Variants in GASK1B observed in about 807,000 individuals in gnomAD.
The protein encoded by GASK1B is Golgi-associated kinase 1B.
In GASK1B, 34 loss-of-function variants were observed where a neutral mutation model predicts 42.8. The ratio of observed to expected loss-of-function variants is 0.79; its 90% confidence interval spans 0.60 to 1.06. GASK1B has a LOEUF of 1.06. Among genes scored for constraint, GASK1B ranks in the 50% least tolerant of loss-of-function variants. The pLI is 0.00. For missense variants in GASK1B, 686 were observed against 661.0 expected (o/e 1.04, Z -0.42); for synonymous variants, 262 against 259.1 (o/e 1.01, Z -0.11).
chr4:158,148,907 T>G (rs1279620568), intron 3 of GASK1B, among the ~76,000 whole-genome samples: 1 of 152,212 alleles, frequency 6.6e-6, no homozygotes, highest in Non-Finnish European at 1.5e-5. Context: ...GGAACATGTA[T>G]GAATAGTAGA....
intron 4 of GASK1B, among the ~76,000 whole-genome samples, chr4:158,128,436 T>C (rs1730545443): frequency 6.6e-6 from 1 of 152,166 alleles, no homozygotes; most frequent in South Asian, 2.1e-4. Context: ...CTTAGCAAAA[T>C]TTCTAGATCA....
chr4:158,130,721 T>C, intron 4 of GASK1B, 65 bp downstream of exon 4: 2 of 1,235,800 alleles, frequency 1.6e-6, no homozygotes, highest in African/African-American at 3.0e-5. Flanking sequence ...ATGTGAGTTT[T>C]CTCAGAACCT....
rs756472594 is a variant in GASK1B at position 158,127,564 on chromosome 4, T to C, written c.1403A>G (p.Lys468Arg). 1 of 1,613,584 alleles carries C rather than the reference T, an allele frequency of 6.2e-7. No individual in the cohort carries two copies. Among genetic ancestry groups the C allele is most frequent in the African/African-American group, 1.3e-5 (1 of 74,900 alleles). Reference protein sequence around the residue: ...SVLKSQHLRQKLLQSLFLDKV... With the variant: ...SVLKSQHLRQRLLQSLFLDKV... ...ATCAAGAAACAGAGACTGAAGAAGT[T>C]TCTGCCGTAAGTGCTGGCTCTTCAA... Residue 468 changes from lysine to arginine, a missense_variant, in exon 5 of 5, where the codon AAA becomes AGA. Physicochemically the swap from Lys to Arg is conservative, Grantham distance 26. Coordinates refer to ENST00000585682, the MANE Select transcript of GASK1B (RefSeq NM_001128424.2).
At chr4:158,144,375 T>C (rs887705910) in intron 3 of GASK1B, among the ~76,000 whole-genome samples, 1 of 152,212 alleles carries the variant, frequency 6.6e-6, no homozygotes, top group South Asian at 2.1e-4. Flanking sequence ...GAAATACATA[T>C]AGTAGAAACT....
At chr4:158,130,757 T>C (rs766874643) in intron 4 of GASK1B, 29 bp downstream of exon 4, 3 of 1,500,132 alleles carry the variant, frequency 2.0e-6, no homozygotes, top group Non-Finnish European at 2.8e-6. Flanking sequence ...ATAAATGTGA[T>C]GTCCTGCAGA....
At chr4:158,127,908 T>C (rs1579002930) in intron 4 of GASK1B, among the ~76,000 whole-genome samples, 1 of 152,308 alleles carries the variant, frequency 6.6e-6, no homozygotes, top group South Asian at 2.1e-4. Context: ...TTCTATTAGA[T>C]TGGCAGAAAT....
chr4:158,166,315 T>A (rs771151705), intron 2 of GASK1B, among the ~76,000 whole-genome samples: 4 of 152,230 alleles, frequency 2.6e-5, no homozygotes, highest in Non-Finnish European at 4.4e-5. Flanking sequence ...TTGTCCCAGA[T>A]TAAACTGAGC....
At position 158,170,608 on chromosome 4, in the gene GASK1B, A is replaced by G. The variant is rs1297517507; in HGVS notation, c.768T>C (p.Ala256=). 8 of 1,613,872 alleles carry G rather than the reference A, an allele frequency of 5.0e-6. No homozygotes were observed. The highest frequency in any genetic ancestry group is 6.8e-6 in the Non-Finnish European group (8 of 1,180,044). Residue 256 remains alanine (A), a synonymous_variant, in exon 2 of 5, where the codon GCT becomes GCC. Transcript: ENST00000585682. ...LLVLEGGAPG[A]VLRCGPSPCG... ...AGGGGCTAGGGCCACAGCGGAGCACAGCGCCAGGTGCGCCCCCCTCCAGCA... is the reference window on the plus strand; with the variant it reads ...AGGGGCTAGGGCCACAGCGGAGCACGGCGCCAGGTGCGCCCCCCTCCAGCA...
intron 3 of GASK1B, among the ~76,000 whole-genome samples, chr4:158,142,044 A>G (rs1731154328): frequency 7.4e-6 from 1 of 135,720 alleles, no homozygotes; most frequent in Admixed American, 7.9e-5. Context: ...TCCTGGGTTC[A>G]CGCCATTCTC....
chr4:158,145,643 T>C (rs1028569036), intron 3 of GASK1B, among the ~76,000 whole-genome samples: 24 of 152,206 alleles, frequency 1.6e-4, no homozygotes, highest in African/African-American at 5.5e-4. Context: ...TTTCTTTCTA[T>C]AAAATATTAC....
rs1358502858 is a variant in GASK1B, at chr4:158,164,583, A to G, written c.910+5883T>C. Among the ~76,000 whole-genome samples, 8 of 152,360 alleles carry G rather than the reference A, an allele frequency of 5.3e-5. No homozygotes were observed. The South Asian group carries it at 1.7e-3, about 32-fold the overall frequency. On this transcript the variant is annotated intron_variant, in intron 2 of 4. Transcript: ENST00000585682. Reference sequence around the variant, plus strand: ...AATAGCCTTAGGGCTTTTCTGAGGAAGAACACAACATACTTTCAATCCAAC... The same window carrying G: ...AATAGCCTTAGGGCTTTTCTGAGGAGGAACACAACATACTTTCAATCCAAC...
chr4:158,136,934 A>G (rs1185705140), intron 3 of GASK1B, among the ~76,000 whole-genome samples: 1 of 152,242 alleles, frequency 6.6e-6, no homozygotes, highest in African/African-American at 2.4e-5. Flanking sequence ...AACCCTGCTG[A>G]AAGTTGGCAC....
chr4:158,141,903 G>T (rs1342904368), intron 3 of GASK1B, among the ~76,000 whole-genome samples: 1 of 143,856 alleles, frequency 7.0e-6, no homozygotes, highest in African/African-American at 2.6e-5. Context: ...CACCGCGCCC[G>T]GCCGATGTTG....
rs1732457386 is a variant in GASK1B at position 158,170,667 on chromosome 4, G to A, written c.709C>T (p.Pro237Ser). Residue 237 changes from proline (P) to serine (S), a missense_variant, in exon 2 of 5, where the codon CCT becomes TCT. By Grantham distance (74) the Pro-to-Ser change is moderately conservative (BLOSUM62 -1). Transcript: ENST00000585682. Reference protein sequence around the residue: ...LADSAVAGLRPVSSRSGARLL... With the variant: ...LADSAVAGLRSVSSRSGARLL... ...CGGGCTCCGCTCCTAGAGGACACAG[G>A]CCGGAGCCCTGCCACTGCGCTGTCC... 6.2e-7 allele frequency: 1 copy of A among 1,614,060 alleles called. No individual in the cohort carries two copies. The highest frequency in any genetic ancestry group is 8.5e-7 in the Non-Finnish European group (1 of 1,180,040).
At chr4:158,154,950 C>T (rs754564765) in intron 3 of GASK1B, among the ~76,000 whole-genome samples, 9 of 152,144 alleles carry the variant, frequency 5.9e-5, no homozygotes, top group Non-Finnish European at 7.4e-5. Context: ...CAGAAATCAC[C>T]GCTAAATAAT....
Position 158,132,930 on chromosome 4 carries a change from T to C in GASK1B, c.1126-1918A>G, listed in dbSNP as rs11936633. ...TTTGATTGACATGAGAATAAGAAGG[T>C]TTCCCAAAGGTGAGCAAGAGTGCCC... On this transcript the variant is annotated intron_variant, in intron 3 of 4. Transcript: ENST00000585682. Among the ~76,000 whole-genome samples, 474 of 152,278 alleles carry C rather than the reference T, an allele frequency of 3.1e-3. 1 individual carries two copies. The highest frequency in any genetic ancestry group is 0.011 in the African/African-American group (461 of 41,560).
At chr4:158,159,718 C>G (rs1731896822) in intron 2 of GASK1B, 1 of 167,122 alleles carries the variant, frequency 6.0e-6, no homozygotes, top group Non-Finnish European at 1.3e-5. Flanking sequence ...TGAGACTTGC[C>G]AGGAAAGCTT....
chr4:158,164,310 C>G (rs1283667304), intron 2 of GASK1B, among the ~76,000 whole-genome samples: 1 of 152,202 alleles, frequency 6.6e-6, no homozygotes, highest in East Asian at 1.9e-4. Flanking sequence ...GCACATGCAT[C>G]TTTTATGCTG....
intron 2 of GASK1B, among the ~76,000 whole-genome samples, chr4:158,163,570 G>GA (rs75931814): frequency 3.7e-3 from 380 of 102,292 alleles, no homozygotes; most frequent in African/African-American, 4.3e-3. Flanking sequence ...CTCTGTCTCA[G>GA]AAAAAAAAAA....
Sources: gnomAD v4.1 joint callset for allele counts (sites outside exome capture counted in the v4.1 genomes callset) on GRCh38, gnomAD v4.1.1 for gene constraint, MANE v1.5 for transcripts, NCBI Gene and HGNC (gene_info 2026-07-23, HGNC 2026-07-21) for gene names.